Variants in UBAP2L observed in about 807,000 individuals in gnomAD.
The protein encoded by UBAP2L is ubiquitin-associated protein 2-like.
In UBAP2L, 12 loss-of-function variants were observed where a neutral mutation model predicts 130.6. That is an observed-to-expected ratio of 0.09 (90% CI 0.06 to 0.15). UBAP2L has a LOEUF of 0.15. Among genes scored for constraint, UBAP2L ranks in the 10% least tolerant of loss-of-function variants. The pLI is 1.00. For missense variants in UBAP2L, 965 were observed against 1,332.5 expected (o/e 0.72, Z 4.29); for synonymous variants, 503 against 524.7 (o/e 0.96, Z 0.57).
intron 5 of UBAP2L, 152 bp from the exon 6 acceptor site, chr1:154,235,044 C>G: frequency 3.1e-6 from 2 of 650,372 alleles, no homozygotes; most frequent in Non-Finnish European, 5.5e-6. Context: ...TCCCATCCTT[C>G]CAGCTCATTT....
At chr1:154,239,474 T>A (rs902885036) in intron 8 of UBAP2L, among the ~76,000 whole-genome samples, 10 of 152,250 alleles carry the variant, frequency 6.6e-5, no homozygotes, top group African/African-American at 2.2e-4. Context: ...CTTACCTTTC[T>A]GTTCATTTAA....
chr1:154,240,934 G>GGC (rs1270183504), intron 8 of UBAP2L, among the ~76,000 whole-genome samples: 2 of 126,852 alleles, frequency 1.6e-5, no homozygotes, highest in African/African-American at 7.5e-5. Flanking sequence ...TTGTCTGTCT[G>GGC]TCCCCCCCCC....
intron 14 of UBAP2L, among the ~76,000 whole-genome samples, chr1:154,252,745 C>G (rs1271621530): frequency 1.3e-5 from 2 of 151,600 alleles, no homozygotes; most frequent in African/African-American, 4.9e-5. Context: ...TTTTAGTAGA[C>G]ATGGGGTTTC....
At chr1:154,236,542 C>A in intron 6 of UBAP2L, 24 bp from the exon 7 acceptor site, 13 of 1,613,682 alleles carry the variant, frequency 8.1e-6, no homozygotes, top group Non-Finnish European at 1.0e-5. Context: ...CATCTCTCTT[C>A]TCTTTTTCTC....
chr1:154,245,599 T>C (rs1317597097), intron 10 of UBAP2L, among the ~76,000 whole-genome samples: 1 of 152,204 alleles, frequency 6.6e-6, no homozygotes, highest in Non-Finnish European at 1.5e-5. Context: ...GGCTGAGTTA[T>C]TGAGCTGCCA....
intron 24 of UBAP2L, chr1:154,263,324 C>T (rs1042759111): frequency 7.4e-5 from 106 of 1,426,704 alleles, no homozygotes; most frequent in Non-Finnish European, 9.3e-5. Context: ...GCCCCTCCCC[C>T]ATTTCCCTCT....
upstream of UBAP2L, chr1:154,220,300 G>C (rs751518489): frequency 1.2e-6 from 2 of 1,609,422 alleles, no homozygotes; most frequent in Middle Eastern, 1.7e-4. Context: ...TCTCTACTGG[G>C]TAAGATGCGA....
At position 154,249,290 on chromosome 1, in the gene UBAP2L, A is replaced by G; in HGVS notation, c.1066A>G (p.Ser356Gly). The change falls in exon 12 of 27, where the codon AGT becomes GGT. Residue 356 changes from serine to glycine, a missense_variant. Physicochemically the swap from Ser to Gly is moderately conservative, Grantham distance 56. Coordinates refer to ENST00000428931, the MANE Select transcript of UBAP2L (RefSeq NM_014847.4). ...TGATGTCGGTGAAGCTAAAGGCGGC[A>G]GTACTACAGGCTCCCAGTTCTTGGA... is the stretch of plus-strand genomic sequence containing the variant. ...FGDVGEAKGGSTTGSQFLEQF... is the reference protein window; with the variant it reads ...FGDVGEAKGGGTTGSQFLEQF... The G allele has an allele frequency of 6.2e-7, 1 of 1,614,228 alleles. No individual in the cohort carries two copies. The highest frequency in any genetic ancestry group is 8.5e-7 in the Non-Finnish European group (1 of 1,180,052).
intron 3 of UBAP2L, 85 bp downstream of exon 3, chr1:154,227,444 A>G: frequency 8.1e-7 from 1 of 1,239,844 alleles, no homozygotes; most frequent in South Asian, 1.2e-5. Context: ...GGATGCCAGG[A>G]TACTTTCTAC....
At chr1:154,266,219 G>A (rs1188594700) in intron 24 of UBAP2L, among the ~76,000 whole-genome samples, 4 of 152,134 alleles carry the variant, frequency 2.6e-5, no homozygotes, top group Non-Finnish European at 5.9e-5. Flanking sequence ...TGAAAACAGT[G>A]TATGCTAGTG....
intron 10 of UBAP2L, among the ~76,000 whole-genome samples, chr1:154,245,976 AAATT>A (rs1675342932): frequency 6.6e-6 from 1 of 152,186 alleles, no homozygotes; most frequent in Non-Finnish European, 1.5e-5. Flanking sequence ...TTCACTTAAA[AAATT>A]AACCATTATT....
At position 154,246,107 on chromosome 1, in the gene UBAP2L, A is replaced by T. The variant is rs1675392411; in HGVS notation, c.843-97A>T. ...TTTGAACCCTTTTAGAAGAAGCCCC[A>T]GCAAGTGGCTTCATTTTGATCTAAT... On this transcript the variant is annotated intron_variant, in intron 10 of 26. Transcript: ENST00000428931. The T allele has an allele frequency of 3.7e-6, 5 of 1,359,292 alleles. No individual in the cohort carries two copies. The South Asian group carries it at 7.5e-5, about 20-fold the overall frequency. 84.2% of individuals were successfully genotyped at this position (1,359,292 alleles called of 1,614,324 possible).
chr1:154,255,775 G>GGA lies in UBAP2L; in HGVS notation c.2157+21_2157+22dup. The GGA allele has an allele frequency of 6.2e-7, 1 of 1,613,132 alleles. No individual in the cohort carries two copies. Among genetic ancestry groups the GGA allele is most frequent in the Non-Finnish European group, 8.5e-7 (1 of 1,179,190 alleles). ...CTTTTGGTAAGTGTGATGCTGAGAG[G>GGA]GATGTGTGGTTTTCTTACACTTAGA... On this transcript the variant is annotated intron_variant, in intron 18 of 26. Transcript: ENST00000428931.
At chr1:154,220,186 A>T, upstream of UBAP2L, 1 of 966,186 alleles carries the variant, frequency 1.0e-6, no homozygotes, top group Non-Finnish European at 1.6e-6. Context: ...CGGCCCGACT[A>T]AGTGACTTAA....
At chr1:154,257,818 A>ACATGTATG (rs1680142692) in intron 20 of UBAP2L, 1 of 252,062 alleles carries the variant, frequency 4.0e-6, no homozygotes, top group Non-Finnish European at 7.7e-6. Context: ...TATGGTGCAC[A>ACATGTATG]CATGTATGCA....
At chr1:154,263,384 G>T in intron 24 of UBAP2L, 1 of 1,331,068 alleles carries the variant, frequency 7.5e-7, no homozygotes, top group East Asian at 3.0e-5. Context: ...AAGCGGTGCA[G>T]CACCTTCGAA....
In UBAP2L at chr1:154,260,752, C is replaced by T. The variant is rs532526076; in HGVS notation, c.2579-140C>T. ...TATGCTGAGCAACAATAATTGGAGC[C>T]ACTAAGAAATGTAATTCAAGGAATT... On this transcript the variant is annotated intron_variant, in intron 22 of 26. Coordinates refer to ENST00000428931, the MANE Select transcript of UBAP2L (RefSeq NM_014847.4). 7.5e-6 allele frequency: 6 copies of T among 802,758 alleles called. No homozygotes were observed. The East Asian group carries it at 1.6e-4, about 22-fold the overall frequency. The allele number at this position is 802,758 out of a possible 1,614,324, so 49.7% of individuals were successfully genotyped here. A position where few individuals can be genotyped will look rare whatever the true frequency, so the allele number is the denominator to read the frequency against.
At chr1:154,220,328 G>C (rs1179222494), upstream of UBAP2L, 3 of 1,613,914 alleles carry the variant, frequency 1.9e-6, no homozygotes, top group East Asian at 6.7e-5. Context: ...AATGGGGTGG[G>C]GTAATCTCCT....
chr1:154,239,463 A>T (rs1018445552), intron 8 of UBAP2L, among the ~76,000 whole-genome samples: 1 of 151,790 alleles, frequency 6.6e-6, no homozygotes, highest in African/African-American at 2.4e-5. Flanking sequence ...TTCTGTGTCC[A>T]CTTACCTTTC....
Sources: allele counts gnomAD v4.1 joint callset (sites outside exome capture counted in the v4.1 genomes callset), GRCh38; gene constraint gnomAD v4.1.1; transcripts MANE v1.5; gene names NCBI Gene and HGNC (gene_info 2026-07-23, HGNC 2026-07-21).